The following KLF7 variants were observed in gnomAD, a reference collection of about 807,000 sequenced individuals.
KLF7 encodes Krueppel-like factor 7.
Under a neutral mutation model 27.3 loss-of-function variants are expected in KLF7, and 2 were observed. That is an observed-to-expected ratio of 0.07 (90% CI 0.03 to 0.23). KLF7 has a LOEUF of 0.23. Ranked by LOEUF, KLF7 falls within the 10% of genes least tolerant of loss-of-function variation. KLF7 has a pLI of 1.00. For missense variants in KLF7, 221 were observed against 394.1 expected (o/e 0.56, Z 3.72); for synonymous variants, 165 against 162.4 (o/e 1.02, Z -0.12).
intron 1 of KLF7, among the ~76,000 whole-genome samples, chr2:207,134,427 T>C (rs2077728039): frequency 6.6e-6 from 1 of 152,070 alleles, no homozygotes; most frequent in Non-Finnish European, 1.5e-5. Flanking sequence ...CTGGTAATCA[T>C]AGAGGATGCT....
At chr2:207,099,545 A>T (rs1432388638) in intron 2 of KLF7, among the ~76,000 whole-genome samples, 1 of 33,276 alleles carries the variant, frequency 3.0e-5, no homozygotes, top group African/African-American at 1.6e-4. Flanking sequence ...TTTCTGCTAC[A>T]TATGCGATAT....
At chr2:207,136,583 C>T (rs935689772) in intron 1 of KLF7, among the ~76,000 whole-genome samples, 27 of 152,178 alleles carry the variant, frequency 1.8e-4, no homozygotes, top group Admixed American at 1.3e-4. Context: ...CTTTTTAGAA[C>T]TTACCAAGTC....
chr2:207,149,423 G>A (rs2078182382), intron 1 of KLF7, among the ~76,000 whole-genome samples: 1 of 152,224 alleles, frequency 6.6e-6, no homozygotes, highest in South Asian at 2.1e-4. Context: ...AGCACTGTTA[G>A]TAGTCCAAGA....
intron 2 of KLF7, among the ~76,000 whole-genome samples, 175 bp from the exon 3 acceptor site, chr2:207,088,756 C>T (rs899389628): frequency 2.0e-5 from 3 of 152,050 alleles, no homozygotes; most frequent in Non-Finnish European, 4.4e-5. Context: ...TCCAAATCTC[C>T]TGGTGTTTTG....
At chr2:207,086,878 C>T (rs1226918575) in intron 3 of KLF7, among the ~76,000 whole-genome samples, 1 of 152,228 alleles carries the variant, frequency 6.6e-6, no homozygotes, top group East Asian at 1.9e-4. Context: ...CACACTCTGA[C>T]CACTCACAAA....
chr2:207,082,283 T>C (rs973862585), intron 3 of KLF7, among the ~76,000 whole-genome samples: 1 of 152,192 alleles, frequency 6.6e-6, no homozygotes, highest in African/African-American at 2.4e-5. Context: ...GCTGAAATTA[T>C]TGGAAGAGAG....
intron 2 of KLF7, among the ~76,000 whole-genome samples, chr2:207,109,826 C>T (rs540224366): frequency 1.2e-4 from 18 of 152,248 alleles, no homozygotes; most frequent in African/African-American, 4.1e-4. Flanking sequence ...AACTAAGGTC[C>T]GATAACAACT....
At chr2:207,173,447 TC>T in the KLF7 span, among the ~76,000 whole-genome samples, 2 of 152,058 alleles carry the variant, frequency 1.3e-5, no homozygotes, top group African/African-American at 4.8e-5. Flanking sequence ...GGGTCTGACT[TC>T]CTAGGTTTGT....
At chr2:207,130,140 C>A (rs199616302) in intron 1 of KLF7, among the ~76,000 whole-genome samples, 19 of 24,510 alleles carry the variant, frequency 7.8e-4, no homozygotes, top group Non-Finnish European at 1.1e-3. Context: ...TAAAGGGTTT[C>A]TTTCCTTCAC....
chr2:207,145,429 A>G (rs1229186234), intron 1 of KLF7, among the ~76,000 whole-genome samples: 1 of 152,214 alleles, frequency 6.6e-6, no homozygotes, highest in Non-Finnish European at 1.5e-5. Flanking sequence ...TTTGCTTAGC[A>G]AGATGAAAAT....
chr2:207,159,578 A>G (rs1167467988), intron 1 of KLF7, among the ~76,000 whole-genome samples: 1 of 152,234 alleles, frequency 6.6e-6, no homozygotes, highest in Non-Finnish European at 1.5e-5. Context: ...TATTATGCAC[A>G]TAAAAAGGGC....
chr2:207,130,118 A>G (rs2077584754), intron 1 of KLF7, among the ~76,000 whole-genome samples: 1 of 138,848 alleles, frequency 7.2e-6, no homozygotes, highest in Non-Finnish European at 1.6e-5. Context: ...TATTTCCCCT[A>G]CGACCCTTAC....
chr2:207,113,557 A>G (rs2077092397), intron 2 of KLF7, among the ~76,000 whole-genome samples: 1 of 127,842 alleles, frequency 7.8e-6, no homozygotes, highest in Non-Finnish European at 1.6e-5. Flanking sequence ...CAGCAACACC[A>G]GGAGCAGAAG....
chr2:207,078,396 T>C lies in KLF7; in HGVS notation c.*2817A>G, dbSNP rs887170212. On this transcript the variant is annotated 3_prime_UTR_variant, in exon 4 of 4. Transcript: ENST00000309446. ...ACTGATGAGGACCAAAGGGCCTTTG[T>C]TCTGCCACATTCAAATGAGACCACA... 2 of 152,274 alleles carry C rather than the reference T, an allele frequency of 1.3e-5. No homozygotes were observed. Among genetic ancestry groups the C allele is most frequent in the Non-Finnish European group, 2.9e-5 (2 of 68,048 alleles). 9.4% of individuals were successfully genotyped at this position (152,274 alleles called of 1,614,324 possible). A position where few individuals can be genotyped will look rare whatever the true frequency, so the allele number is the denominator to read the frequency against.
chr2:207,167,189 A>T (rs1234419756), upstream of KLF7: 1 of 1,396,378 alleles, frequency 7.2e-7, no homozygotes, highest in Admixed American at 3.0e-5. Context: ...TGAGAGGAGG[A>T]ACTCGATTTC....
At chr2:207,166,023 C>G (rs559890175), upstream of KLF7, 68 of 601,948 alleles carry the variant, frequency 1.1e-4, no homozygotes, top group Middle Eastern at 8.5e-4. Flanking sequence ...CTCTTCCCCC[C>G]CCTTCCCTTC....
chr2:207,159,757 A>G (rs2078488218), intron 1 of KLF7, among the ~76,000 whole-genome samples: 3 of 152,208 alleles, frequency 2.0e-5, no homozygotes, highest in African/African-American at 7.2e-5. Flanking sequence ...TCAGATCTCA[A>G]GGCTACTGCA....
rs369253114 is a variant in KLF7, at chr2:207,134,145, G to A, written c.103-9741C>T. On this transcript the variant is annotated intron_variant, in intron 1 of 3. Coordinates refer to ENST00000309446, the MANE Select transcript of KLF7 (RefSeq NM_003709.4). The stretch of plus-strand genomic sequence containing the variant: ...AAATCACTTGCACAGGCTGACTCGG[G>A]CTACTGGGATTTTTTTTTTTTTTTT... 9.0e-5 allele frequency: 133 copies of A among 1,472,504 alleles called. 1 individual carries two copies. In the African/African-American group the frequency reaches 1.9e-3, roughly 21 times the overall value. 91.2% of individuals were successfully genotyped at this position (1,472,504 alleles called of 1,614,324 possible).
intron 1 of KLF7, among the ~76,000 whole-genome samples, chr2:207,130,523 G>A (rs1452884201): frequency 6.6e-6 from 1 of 152,184 alleles, no homozygotes; most frequent in Non-Finnish European, 1.5e-5. Flanking sequence ...TGGCAGATAT[G>A]TCTAAGTGTT....
Sources: gnomAD v4.1 joint callset for allele counts (sites outside exome capture counted in the v4.1 genomes callset) on GRCh38, gnomAD v4.1.1 for gene constraint, MANE v1.5 for transcripts, NCBI Gene and HGNC (gene_info 2026-07-23, HGNC 2026-07-21) for gene names.